The following TNS1 variants were observed in gnomAD, a reference collection of about 807,000 sequenced individuals.
The protein encoded by TNS1 is tensin-1.
Under a neutral mutation model 168.6 loss-of-function variants are expected in TNS1, and 62 were observed. That is an observed-to-expected ratio of 0.37 (90% CI 0.30 to 0.45). The LOEUF is 0.45. Ranked by LOEUF, TNS1 falls within the 20% of genes least tolerant of loss-of-function variation. The pLI is 1.00. For missense variants in TNS1, 2,240 were observed against 2,339.4 expected (o/e 0.96, Z 0.88); for synonymous variants, 934 against 933.2 (o/e 1.00, Z -0.02).
chr2:217,887,385 C>T (rs1054182711), intron 12 of TNS1, among the ~76,000 whole-genome samples: 23 of 152,030 alleles, frequency 1.5e-4, no homozygotes, highest in African/African-American at 5.3e-4. Context: ...CTCGGCTCAC[C>T]GCAACCTCTG....
intron 3 of TNS1, among the ~76,000 whole-genome samples, chr2:217,949,233 C>G (rs1957185579): frequency 1.3e-5 from 2 of 152,292 alleles, no homozygotes; most frequent in South Asian, 4.2e-4. Flanking sequence ...TTGGAGATGC[C>G]CGGAAACATG....
rs769628957 is a variant in TNS1, at chr2:217,848,671, C to T, written c.1846G>A (p.Ala616Thr). 2 of 1,614,228 alleles carry T rather than the reference C, an allele frequency of 1.2e-6. No homozygotes were observed. Among genetic ancestry groups the T allele is most frequent in the Non-Finnish European group, 1.7e-6 (2 of 1,180,030 alleles). ...VPAQVHVNGGALASERETDIL... is the reference protein window; with the variant it reads ...VPAQVHVNGGTLASERETDIL... The stretch of plus-strand genomic sequence containing the variant: ...TCTGTCTCCCGCTCAGATGCTAACG[C>T]CCCACCATTGACATGAACCTGGGCT... The change falls in exon 19 of 33, where the codon GCG becomes ACG. Residue 616 changes from alanine to threonine, a missense_variant. Ala to Thr is a moderately conservative substitution (Grantham distance 58). This residue lies in a region of TNS1 where 2,131 missense variants were observed against 2,171.2 expected (regional missense o/e 0.98). Coordinates refer to ENST00000682258, the MANE Select transcript of TNS1 (RefSeq NM_001387777.1).
intron 3 of TNS1, among the ~76,000 whole-genome samples, chr2:217,956,763 C>A (rs1274850667): frequency 6.6e-6 from 1 of 152,148 alleles, no homozygotes; most frequent in Non-Finnish European, 1.5e-5. Context: ...AAACTGCGGC[C>A]CAGAGAAGGG....
intron 18 of TNS1, chr2:217,859,283 C>T: frequency 3.6e-6 from 1 of 276,030 alleles, no homozygotes; most frequent in Non-Finnish European, 6.7e-6. Context: ...TTTCCATTCT[C>T]AGCAAATGGA....
chr2:217,822,929 A>G (rs1943097600), intron 22 of TNS1, among the ~76,000 whole-genome samples: 1 of 152,140 alleles, frequency 6.6e-6, no homozygotes, highest in African/African-American at 2.4e-5. Context: ...ACCACCTCCA[A>G]ATCCCACCCT....
chr2:217,963,698 G>A (rs1447772715), intron 3 of TNS1, among the ~76,000 whole-genome samples: 3 of 148,614 alleles, frequency 2.0e-5, no homozygotes, highest in Non-Finnish European at 4.4e-5. Context: ...CAAATTATAT[G>A]ACTGTATTAA....
intron 3 of TNS1, among the ~76,000 whole-genome samples, chr2:217,941,208 G>C (rs1330134805): frequency 2.0e-5 from 3 of 152,214 alleles, no homozygotes; most frequent in African/African-American, 7.2e-5. Flanking sequence ...GCCAAACTGG[G>C]CAGGGGTTCA....
At chr2:218,009,466 A>C (rs1246651558) in intron 1 of TNS1, among the ~76,000 whole-genome samples, 1 of 151,930 alleles carries the variant, frequency 6.6e-6, no homozygotes, top group Non-Finnish European at 1.5e-5. Context: ...ATGCTCAACC[A>C]GGACACGCCC....
In TNS1 at chr2:217,848,618, C is replaced by G. The variant is rs766980683; in HGVS notation, c.1899G>C (p.Gln633His). The G allele has an allele frequency of 1.9e-6, 3 of 1,614,076 alleles. No homozygotes were observed. The East Asian group carries it at 6.7e-5, about 36-fold the overall frequency. The stretch of plus-strand genomic sequence containing the variant: ...CCATGCTGCCCGCACTGTGACCATC[C>G]TGGTTTGGCAATTCATCGTCCAGGA... ...TDILDDELPN[Q>H]DGHSAGSMGT... is the part of the protein sequence containing the mutation. The change falls in exon 19 of 33, where the codon CAG becomes CAC. Residue 633 changes from glutamine (Q) to histidine (H), a missense_variant. Physicochemically the swap from Gln to His is conservative, Grantham distance 24 (BLOSUM62 0). This residue lies in a region of TNS1 where 2,131 missense variants were observed against 2,171.2 expected (regional missense o/e 0.98). Coordinates refer to ENST00000682258, the MANE Select transcript of TNS1 (RefSeq NM_001387777.1).
chr2:217,910,823 C>T (rs572108289), intron 4 of TNS1, among the ~76,000 whole-genome samples: 65 of 152,114 alleles, frequency 4.3e-4, no homozygotes, highest in Middle Eastern at 6.8e-3. Context: ...GACATCATCT[C>T]CTCCATCCCC....
At chr2:218,027,643 A>G (rs1958861766) in intron 1 of TNS1, among the ~76,000 whole-genome samples, 1 of 152,126 alleles carries the variant, frequency 6.6e-6, no homozygotes. Context: ...TGCCTCCCGC[A>G]CTGACTTCCC....
intron 4 of TNS1, among the ~76,000 whole-genome samples, chr2:217,918,798 C>T (rs1050215466): frequency 6.6e-6 from 1 of 150,894 alleles, no homozygotes; most frequent in Admixed American, 6.6e-5. Context: ...GCAATCCAAG[C>T]GCGATTTCTT....
Position 217,847,817 on chromosome 2 carries a change from G to A in TNS1, c.2700C>T (p.Thr900=). 6.3e-7 allele frequency: 1 copy of A among 1,597,910 alleles called. No individual in the cohort carries two copies. The highest frequency in any genetic ancestry group is 2.3e-5 in the East Asian group (1 of 44,350). The stretch of plus-strand genomic sequence containing the variant: ...GAGAGGCCCGTGGGGCTGGCTCAGG[G>A]GTTCCCAACGAATGCCCACTGGGGA... The part of the protein sequence containing the change: ...GYIPSGHSLG[T]PEPAPRASLE... The change falls in exon 19 of 33, where the codon ACC becomes ACT. Residue 900 remains threonine (T), a synonymous_variant. Coordinates refer to ENST00000682258, the MANE Select transcript of TNS1 (RefSeq NM_001387777.1).
At chr2:217,834,783 G>A (rs1000552857) in intron 21 of TNS1, among the ~76,000 whole-genome samples, 1 of 152,214 alleles carries the variant, frequency 6.6e-6, no homozygotes, top group Non-Finnish European at 1.5e-5. Flanking sequence ...TTTGAGTGTG[G>A]ACGGTAAAAA....
rs371328209 is a variant in TNS1 at position 217,950,908 on chromosome 2, C to T, written c.186+27857G>A. 2.0e-4 allele frequency among the ~76,000 whole-genome samples: 30 copies of T among 152,078 alleles called. 1 individual carries two copies. The East Asian group carries it at 5.8e-3, about 29-fold the overall frequency. ...CAGGGCTCTGCTCATGGCCAATCTC[C>T]CTGCCCCGGGCTCCGAGGGAAAATC... On this transcript the variant is annotated intron_variant, in intron 3 of 32. Coordinates refer to ENST00000682258, the MANE Select transcript of TNS1 (RefSeq NM_001387777.1).
chr2:218,022,535 G>A (rs1437660326), intron 1 of TNS1, among the ~76,000 whole-genome samples: 7 of 152,262 alleles, frequency 4.6e-5, no homozygotes, highest in Non-Finnish European at 8.8e-5. Flanking sequence ...CTCCTGGGAA[G>A]AGGGGACAAT....
chr2:217,981,756 C>T (rs575859803), intron 2 of TNS1, among the ~76,000 whole-genome samples: 8 of 152,346 alleles, frequency 5.3e-5, no homozygotes, highest in South Asian at 2.1e-4. Flanking sequence ...CCACCTGTCT[C>T]ACATATCCTC....
intron 4 of TNS1, among the ~76,000 whole-genome samples, chr2:217,909,489 G>A (rs3791928): frequency 0.046 from 7,012 of 151,988 alleles, 437 homozygotes; most frequent in African/African-American, 0.14. Flanking sequence ...TCGACCCTCA[G>A]CAGAGCATGA....
intron 1 of TNS1, among the ~76,000 whole-genome samples, chr2:218,023,874 T>C (rs1958830273): frequency 6.6e-6 from 1 of 152,036 alleles, no homozygotes; most frequent in African/African-American, 2.4e-5. Flanking sequence ...AGAGAGAAGC[T>C]TCTGAAACAG....
Sources: gnomAD v4.1 joint callset for allele counts (sites outside exome capture counted in the v4.1 genomes callset) on GRCh38, gnomAD v4.1.1 for gene constraint, gnomAD v4.1.1 regional missense constraint, MANE v1.5 for transcripts, NCBI Gene and HGNC (gene_info 2026-07-23, HGNC 2026-07-21) for gene names.